NTRK3: variants seen among roughly 807,000 people sequenced by gnomAD.
The protein encoded by NTRK3 is NT-3 growth factor receptor.
Under a neutral mutation model 91.7 loss-of-function variants are expected in NTRK3, and 24 were observed. The ratio of observed to expected loss-of-function variants is 0.26; its 90% CI spans 0.19 to 0.37. NTRK3 has a LOEUF of 0.37. Ranked by LOEUF, NTRK3 falls within the 10% of genes least tolerant of loss-of-function variation. The pLI, the probability that NTRK3 is intolerant of heterozygous loss-of-function variation, is 1.00. For missense variants in NTRK3, 880 were observed against 1,068.9 expected (o/e 0.82, Z 2.46); for synonymous variants, 483 against 404.0 (o/e 1.20, Z -2.34).
intron 3 of NTRK3, among the ~76,000 whole-genome samples, chr15:88,220,240 G>A (rs765752785): frequency 1.2e-4 from 19 of 152,284 alleles, no homozygotes; most frequent in African/African-American, 3.8e-4. Flanking sequence ...CAAATCAACC[G>A]CTCATGCATT....
At chr15:88,136,023 G>A (rs1034216513) in exon 9 of NTRK3, 3 of 1,614,078 alleles carry the variant, frequency 1.9e-6, no homozygotes, top group Non-Finnish European at 2.5e-6. Flanking sequence ...CATGAACATT[G>A]GTCCAGTTCA....
chr15:87,904,557 C>T (rs1159622993), intron 17 of NTRK3, among the ~76,000 whole-genome samples: 2 of 152,102 alleles, frequency 1.3e-5, no homozygotes, highest in African/African-American at 2.4e-5. Context: ...AAGGATGCAT[C>T]TATGACCAAG....
intron 13 of NTRK3, among the ~76,000 whole-genome samples, chr15:88,056,204 T>TATATA (rs377120482): frequency 0.023 from 2,220 of 95,108 alleles, 34 homozygotes; most frequent in Non-Finnish European, 0.029. Flanking sequence ...ATATATATAT[T>TATATA]TTTTTTTTAA....
At chr15:88,238,434 G>A (rs979202866) in intron 3 of NTRK3, among the ~76,000 whole-genome samples, 3 of 151,922 alleles carry the variant, frequency 2.0e-5, no homozygotes, top group Middle Eastern at 3.2e-3. Flanking sequence ...TTACCATTGG[G>A]TCAAATGCCA....
intron 13 of NTRK3, among the ~76,000 whole-genome samples, chr15:88,059,626 C>T (rs1229788582): frequency 6.6e-6 from 1 of 152,124 alleles, no homozygotes; most frequent in Non-Finnish European, 1.5e-5. Context: ...GAAGTTTGCA[C>T]CATTTTCCAT....
chr15:87,985,681 C>CGACTA (rs979851642), intron 14 of NTRK3, among the ~76,000 whole-genome samples: 3 of 152,116 alleles, frequency 2.0e-5, no homozygotes, highest in Non-Finnish European at 2.9e-5. Flanking sequence ...GAATGTACCC[C>CGACTA]GACTACAATT....
chr15:87,916,450 C>T, intron 17 of NTRK3: 1 of 698,722 alleles, frequency 1.4e-6, no homozygotes, highest in East Asian at 2.7e-5. Context: ...CTTTTCCTCT[C>T]CTTTCCCGAG....
At position 88,128,845 on chromosome 15, in the gene NTRK3, T is replaced by C. The variant is rs1308318793; in HGVS notation, c.1205-111A>G. 5 of 970,326 alleles carry C rather than the reference T, an allele frequency of 5.2e-6. No homozygotes were observed. The Admixed American group carries it at 8.7e-5, about 17-fold the overall frequency. The allele number at this position is 970,326 out of a possible 1,614,324, so 60.1% of individuals were successfully genotyped here. On this transcript the variant is annotated intron_variant, in intron 10 of 18. Transcript: ENST00000394480. ...TCCCATTCACCATGATTCCCTGTTC[T>C]CATGGCAACTGACAAACTAAAATGC...
intron 14 of NTRK3, among the ~76,000 whole-genome samples, chr15:87,991,271 A>G (rs947712747): frequency 6.6e-6 from 1 of 152,152 alleles, no homozygotes; most frequent in African/African-American, 2.4e-5. Flanking sequence ...TCTCAGACTG[A>G]CAGCAACAGG....
intron 3 of NTRK3, among the ~76,000 whole-genome samples, chr15:88,215,137 G>A (rs922606926): frequency 2.4e-4 from 37 of 152,224 alleles, no homozygotes; most frequent in African/African-American, 8.7e-4. Context: ...CATAAGCACT[G>A]TGGGTTTGCC....
At chr15:88,229,946 C>T (rs1482292392) in intron 3 of NTRK3, among the ~76,000 whole-genome samples, 2 of 152,184 alleles carry the variant, frequency 1.3e-5, no homozygotes, top group Non-Finnish European at 2.9e-5. Flanking sequence ...AACTGGGTAG[C>T]ACAGGGTGGT....
intron 17 of NTRK3, among the ~76,000 whole-genome samples, chr15:87,914,676 G>T (rs950597378): frequency 6.6e-6 from 1 of 152,158 alleles, no homozygotes; most frequent in Non-Finnish European, 1.5e-5. Flanking sequence ...AAGTGTCTCA[G>T]GATGTGAAAA....
At chr15:88,111,194 G>C (rs2051311564) in intron 13 of NTRK3, among the ~76,000 whole-genome samples, 1 of 152,182 alleles carries the variant, frequency 6.6e-6, no homozygotes, top group Non-Finnish European at 1.5e-5. Context: ...CTTCACACCT[G>C]CCTAAGCTGC....
At chr15:87,876,712 TATAA>T in exon 19 of NTRK3, 2 of 222,648 alleles carry the variant, frequency 9.0e-6, no homozygotes, top group East Asian at 6.9e-5. Context: ...TAGTTAGATA[TATAA>T]ATATATATAT....
At chr15:88,069,516 G>A (rs2046931557) in intron 13 of NTRK3, among the ~76,000 whole-genome samples, 1 of 152,144 alleles carries the variant, frequency 6.6e-6, no homozygotes, top group African/African-American at 2.4e-5. Flanking sequence ...CCTGGGTGTA[G>A]GCAGAGCTAC....
chr15:88,059,960 G>A (rs1054332362), intron 13 of NTRK3, among the ~76,000 whole-genome samples: 2 of 152,152 alleles, frequency 1.3e-5, no homozygotes, highest in African/African-American at 4.8e-5. Context: ...AGAGGCATTC[G>A]AAGAAACCAA....
intron 6 of NTRK3, 104 bp from the exon 7 acceptor site, chr15:88,137,665 G>C: frequency 8.9e-7 from 1 of 1,128,548 alleles, no homozygotes; most frequent in South Asian, 1.4e-5. Context: ...CAGGGATTAA[G>C]GGGAGAAGGG....
At chr15:87,889,543 T>A (rs1238019206) in intron 17 of NTRK3, among the ~76,000 whole-genome samples, 3 of 152,000 alleles carry the variant, frequency 2.0e-5, no homozygotes, top group Admixed American at 6.6e-5. Context: ...TTGCTGGGAT[T>A]ACAGGCACAT....
At chr15:88,059,744 A>G (rs999993090) in intron 13 of NTRK3, among the ~76,000 whole-genome samples, 1 of 151,832 alleles carries the variant, frequency 6.6e-6, no homozygotes, top group Non-Finnish European at 1.5e-5. Context: ...CCTAAAATTT[A>G]TATGTTAATG....
Sources: gnomAD v4.1 joint callset for allele counts (sites outside exome capture counted in the v4.1 genomes callset) on GRCh38, gnomAD v4.1.1 for gene constraint, MANE v1.5 for transcripts, NCBI Gene and HGNC (gene_info 2026-07-23, HGNC 2026-07-21) for gene names.